The following KCNH8 variants were observed in gnomAD, a reference collection of about 807,000 sequenced individuals.
KCNH8 encodes the protein voltage-gated delayed rectifier potassium channel KCNH8.
In KCNH8, 70 loss-of-function variants were observed where a neutral mutation model predicts 103.6. The ratio of observed to expected loss-of-function variants is 0.68; its 90% confidence interval spans 0.56 to 0.82. The LOEUF (loss-of-function observed/expected upper bound fraction) is 0.82, where lower values mean the gene tolerates loss of function less well. Among genes scored for constraint, KCNH8 ranks in the 40% least tolerant of loss-of-function variants. The pLI, the probability that KCNH8 is intolerant of heterozygous loss-of-function variation, is 0.00. For synonymous variants in KCNH8, 498 were observed against 489.4 expected, an observed-to-expected ratio of 1.02 and a Z score of -0.23; for missense variants, 1,217 against 1,329.9, an observed-to-expected ratio of 0.92 and a Z score of 1.32.
At chr3:19,394,444 T>C (rs1336732952) in intron 6 of KCNH8, among the ~76,000 whole-genome samples, 1 of 151,830 alleles carries the variant, frequency 6.6e-6, no homozygotes, top group Non-Finnish European at 1.5e-5. Context: ...GTCCATTTCA[T>C]TTTAATTCCC....
intron 11 of KCNH8, among the ~76,000 whole-genome samples, chr3:19,461,181 G>A (rs189775713): frequency 2.0e-5 from 3 of 152,232 alleles, no homozygotes; most frequent in Admixed American, 2.0e-4. Context: ...TTTCAAAGAG[G>A]ACTCCTTATG....
In KCNH8 at chr3:19,355,138, A is replaced by T. The variant is rs185080526; in HGVS notation, c.811+7173A>T. On this transcript the variant is annotated intron_variant, in intron 5 of 15. Coordinates refer to ENST00000328405, the MANE Select transcript of KCNH8 (RefSeq NM_144633.3). Reference sequence around the variant, plus strand: ...CCAACAGACACATGAAAAAATGCTCATCATCACTGGACATCAGAGAAATGC... The same window carrying T: ...CCAACAGACACATGAAAAAATGCTCTTCATCACTGGACATCAGAGAAATGC... Among the ~76,000 whole-genome samples, 267 of 152,330 alleles carry T rather than the reference A, an allele frequency of 1.8e-3. 1 individual carries two copies. The highest frequency in any genetic ancestry group is 3.2e-3 in the Non-Finnish European group (217 of 68,034).
intron 1 of KCNH8, among the ~76,000 whole-genome samples, chr3:19,180,697 T>G (rs779453924): frequency 3.9e-5 from 6 of 152,066 alleles, no homozygotes; most frequent in South Asian, 2.1e-4. Context: ...TTGTTTGTTT[T>G]TTTGTTTGTT....
At chr3:19,507,325 C>T (rs1471903609) in intron 11 of KCNH8, among the ~76,000 whole-genome samples, 1 of 152,132 alleles carries the variant, frequency 6.6e-6, no homozygotes, top group African/African-American at 2.4e-5. Context: ...ACCAGGGAAC[C>T]TCAGAGCCAG....
intron 11 of KCNH8, among the ~76,000 whole-genome samples, chr3:19,496,012 G>T (rs141665093): frequency 3.3e-5 from 5 of 151,886 alleles, no homozygotes; most frequent in African/African-American, 9.7e-5. Flanking sequence ...GATATTGTTC[G>T]TATACAGGAA....
chr3:19,251,427 G>T (rs542413772), intron 1 of KCNH8, among the ~76,000 whole-genome samples: 2 of 152,096 alleles, frequency 1.3e-5, no homozygotes, highest in African/African-American at 4.8e-5. Flanking sequence ...AGAAGAGCCA[G>T]CTGGGCAGAG....
intron 11 of KCNH8, among the ~76,000 whole-genome samples, chr3:19,492,321 AT>A (rs1345976875): frequency 6.6e-6 from 1 of 152,138 alleles, no homozygotes; most frequent in Non-Finnish European, 1.5e-5. Flanking sequence ...TTATACTTCT[AT>A]CTTTCATCCA....
intron 1 of KCNH8, among the ~76,000 whole-genome samples, chr3:19,160,554 A>T (rs191605665): frequency 1.5e-4 from 23 of 152,232 alleles, no homozygotes; most frequent in Admixed American, 1.3e-3. Flanking sequence ...TTTGTTTAAT[A>T]TGTAATTTTA....
At chr3:19,295,371 G>C (rs1001836146) in intron 3 of KCNH8, among the ~76,000 whole-genome samples, 37 of 149,914 alleles carry the variant, frequency 2.5e-4, no homozygotes, top group African/African-American at 8.6e-4. Context: ...GTGACATAGA[G>C]AGACCCTGTC....
chr3:19,428,209 C>A (rs1439865610), intron 7 of KCNH8, among the ~76,000 whole-genome samples: 2 of 152,130 alleles, frequency 1.3e-5, no homozygotes, highest in African/African-American at 4.8e-5. Context: ...CACATCAGAC[C>A]ATGGTCTCCT....
rs529945036 is a variant in KCNH8, at chr3:19,265,642, A to T, written c.310+11755A>T. 1.6e-4 allele frequency among the ~76,000 whole-genome samples: 24 copies of T among 151,958 alleles called. No homozygotes were observed. In the South Asian group the frequency reaches 1.7e-3, roughly 11 times the overall value. On this transcript the variant is annotated intron_variant, in intron 2 of 15. Coordinates refer to ENST00000328405, the MANE Select transcript of KCNH8 (RefSeq NM_144633.3). ...CTGGTTTCTAGTTTTCCCTTACCTT[A>T]TCAGAAAGCCATGAATATCTATCCA...
chr3:19,182,560 T>C (rs2063464592), intron 1 of KCNH8, among the ~76,000 whole-genome samples: 1 of 151,788 alleles, frequency 6.6e-6, no homozygotes, highest in Non-Finnish European at 1.5e-5. Context: ...TAAAAAGTGG[T>C]TGTGCATCAA....
intron 1 of KCNH8, among the ~76,000 whole-genome samples, chr3:19,246,653 GTCTC>G (rs1027496204): frequency 2.6e-5 from 4 of 152,062 alleles, no homozygotes; most frequent in African/African-American, 9.7e-5. Flanking sequence ...ATGAAAATAA[GTCTC>G]TCTTATTTTT....
At chr3:19,170,743 TAC>T (rs542651184) in intron 1 of KCNH8, among the ~76,000 whole-genome samples, 19 of 113,938 alleles carry the variant, frequency 1.7e-4, no homozygotes, top group Admixed American at 4.4e-4. Flanking sequence ...CACATATATA[TAC>T]ACACACATAT....
At chr3:19,400,071 A>G (rs1324632155) in intron 7 of KCNH8, among the ~76,000 whole-genome samples, 2 of 151,678 alleles carry the variant, frequency 1.3e-5, no homozygotes, top group Non-Finnish European at 2.9e-5. Context: ...GAAGAATTCA[A>G]TTGGCCAAGC....
At chr3:19,349,041 T>A (rs1224411598) in intron 5 of KCNH8, among the ~76,000 whole-genome samples, 1 of 151,982 alleles carries the variant, frequency 6.6e-6, no homozygotes, top group Non-Finnish European at 1.5e-5. Context: ...TTATTAACAT[T>A]GTGTCTACTG....
chr3:19,217,953 A>G (rs992379668), intron 1 of KCNH8, among the ~76,000 whole-genome samples: 3 of 152,184 alleles, frequency 2.0e-5, no homozygotes, highest in African/African-American at 7.2e-5. Flanking sequence ...GATGCCAGGC[A>G]GTGGTGTTAA....
intron 1 of KCNH8, among the ~76,000 whole-genome samples, chr3:19,161,749 T>C (rs1291449205): frequency 1.3e-5 from 2 of 152,172 alleles, no homozygotes; most frequent in African/African-American, 4.8e-5. Context: ...AAAGACTGCT[T>C]TCTAAATTAA....
At chr3:19,522,510 C>T (rs2068989823) in intron 15 of KCNH8, among the ~76,000 whole-genome samples, 1 of 151,762 alleles carries the variant, frequency 6.6e-6, no homozygotes, top group Admixed American at 6.6e-5. Flanking sequence ...TTGGATGAGG[C>T]CCACCCACAT....
Sources: gnomAD v4.1 joint callset for allele counts (sites outside exome capture counted in the v4.1 genomes callset) on GRCh38, gnomAD v4.1.1 for gene constraint, MANE v1.5 for transcripts, NCBI Gene and HGNC (gene_info 2026-07-23, HGNC 2026-07-21) for gene names.